RERE: variants seen among roughly 807,000 people sequenced by gnomAD.
RERE encodes arginine-glutamic acid dipeptide repeats protein.
Under a neutral mutation model 146.1 loss-of-function variants are expected in RERE, and 40 were observed. The observed-to-expected ratio is 0.27, with a 90% CI of 0.21 to 0.36. The LOEUF (loss-of-function observed/expected upper bound fraction) is 0.36, where lower values mean the gene tolerates loss of function less well. Ranked by LOEUF, RERE falls within the 10% of genes least tolerant of loss-of-function variation. The pLI is 1.00. For synonymous variants in RERE, 1,003 were observed against 866.0 expected (o/e 1.16, Z -2.78); for missense variants, 1,933 against 2,138.7 (o/e 0.90, Z 1.90).
At chr1:8,621,491 C>G (rs55830087) in intron 3 of RERE, among the ~76,000 whole-genome samples, 1 of 152,054 alleles carries the variant, frequency 6.6e-6, no homozygotes, top group Non-Finnish European at 1.5e-5. Flanking sequence ...TGTATCATAA[C>G]GGGCATTCAC....
At chr1:8,677,355 G>A (rs1009972056) in intron 1 of RERE, among the ~76,000 whole-genome samples, 2 of 149,440 alleles carry the variant, frequency 1.3e-5, no homozygotes, top group Admixed American at 1.4e-4. Context: ...AAACCCGGGA[G>A]GCAGAGGTTG....
In RERE at chr1:8,575,534, A is replaced by AAT. The variant is rs67724601; in HGVS notation, c.523-18013_523-18012dup. ...CTGTGCCACCACACCTGGCTAATTT[A>AAT]ATATATATATATATATATATATATA... On this transcript the variant is annotated intron_variant, in intron 4 of 22. Coordinates refer to ENST00000400908, the MANE Select transcript of RERE (RefSeq NM_001042681.2). Among the ~76,000 whole-genome samples, 703 of 113,990 alleles carry AAT rather than the reference A, an allele frequency of 6.2e-3. 8 individuals are homozygous for AAT. The highest frequency in any genetic ancestry group is 0.024 in the East Asian group (95 of 3,972). The allele number at this position is 113,990 out of a possible 152,430, so 74.8% of individuals were successfully genotyped here.
chr1:8,517,073 C>T (rs751911996), intron 7 of RERE, among the ~76,000 whole-genome samples: 1 of 152,120 alleles, frequency 6.6e-6, no homozygotes, highest in Non-Finnish European at 1.5e-5. Context: ...CAGAACTACA[C>T]GCACACAATC....
intron 1 of RERE, among the ~76,000 whole-genome samples, chr1:8,720,626 G>A (rs549142008): frequency 1.1e-4 from 16 of 152,272 alleles, no homozygotes; most frequent in Non-Finnish European, 1.9e-4. Context: ...GGCAACGGAC[G>A]AGTCGAGTCC....
intron 3 of RERE, among the ~76,000 whole-genome samples, chr1:8,618,813 A>T (rs1247520367): frequency 6.6e-6 from 1 of 152,238 alleles, no homozygotes; most frequent in African/African-American, 2.4e-5. Flanking sequence ...GAGGAGAAAT[A>T]GCTTCTTGTT....
intron 4 of RERE, among the ~76,000 whole-genome samples, chr1:8,574,380 T>C (rs1487013315): frequency 7.3e-6 from 1 of 137,234 alleles, no homozygotes; most frequent in Admixed American, 8.0e-5. Context: ...AGTCTCGCTC[T>C]GTCGCCCAGA....
At chr1:8,587,568 T>C (rs1646441087) in intron 4 of RERE, among the ~76,000 whole-genome samples, 1 of 152,192 alleles carries the variant, frequency 6.6e-6, no homozygotes, top group Non-Finnish European at 1.5e-5. Context: ...ACTGTCTCAG[T>C]AGCTTCCCAA....
intron 1 of RERE, among the ~76,000 whole-genome samples, chr1:8,777,926 A>AGCCC (rs1641099333): frequency 6.6e-6 from 1 of 152,052 alleles, no homozygotes; most frequent in African/African-American, 2.4e-5. Flanking sequence ...CCAGACCTCA[A>AGCCC]TTTGAAGGCC....
intron 10 of RERE, among the ~76,000 whole-genome samples, chr1:8,468,922 A>G (rs1037709592): frequency 1.3e-5 from 2 of 152,172 alleles, no homozygotes; most frequent in African/African-American, 2.4e-5. Flanking sequence ...GAAAGAAAGA[A>G]AAAAAGAAAA....
chr1:8,483,500 T>C (rs2124189298), intron 10 of RERE, among the ~76,000 whole-genome samples: 1 of 152,276 alleles, frequency 6.6e-6, no homozygotes, highest in African/African-American at 2.4e-5. Context: ...AAAAGAGAAA[T>C]GAAAATGATC....
intron 12 of RERE, among the ~76,000 whole-genome samples, chr1:8,394,141 A>C (rs1233309247): frequency 6.6e-6 from 1 of 152,230 alleles, no homozygotes; most frequent in Non-Finnish European, 1.5e-5. Flanking sequence ...ACATTCTATA[A>C]TCCCAACTTT....
At chr1:8,622,507 A>AC (rs1553123236) in intron 3 of RERE, among the ~76,000 whole-genome samples, 6 of 140,056 alleles carry the variant, frequency 4.3e-5, no homozygotes, top group African/African-American at 5.1e-5. Flanking sequence ...AAAAAAAAAA[A>AC]AAAACACACT....
chr1:8,570,285 T>C (rs1326858949), intron 4 of RERE, among the ~76,000 whole-genome samples: 2 of 151,992 alleles, frequency 1.3e-5, no homozygotes, highest in Non-Finnish European at 2.9e-5. Flanking sequence ...GAAAGTGAAA[T>C]TGCGCCACTG....
intron 1 of RERE, among the ~76,000 whole-genome samples, chr1:8,767,331 A>G (rs1434795568): frequency 6.6e-6 from 1 of 152,244 alleles, no homozygotes; most frequent in African/African-American, 2.4e-5. Flanking sequence ...GGCCAGGCAC[A>G]GTGGCTCATG....
intron 1 of RERE, among the ~76,000 whole-genome samples, chr1:8,685,207 T>G (rs1470798117): frequency 6.6e-6 from 1 of 152,184 alleles, no homozygotes; most frequent in Non-Finnish European, 1.5e-5. Context: ...GAGAGGAACT[T>G]TTAAACTACA....
intron 1 of RERE, among the ~76,000 whole-genome samples, chr1:8,729,587 T>G (rs1325330909): frequency 6.6e-6 from 1 of 152,110 alleles, no homozygotes; most frequent in Non-Finnish European, 1.5e-5. Context: ...AGTTCCATAC[T>G]TGAAACAGAG....
At chr1:8,635,742 A>T (rs1174933286) in intron 2 of RERE, among the ~76,000 whole-genome samples, 2 of 152,128 alleles carry the variant, frequency 1.3e-5, no homozygotes, top group African/African-American at 4.8e-5. Context: ...TACATTAAAA[A>T]TAAAGAATAT....
chr1:8,498,877 T>G (rs1645088530), intron 8 of RERE, among the ~76,000 whole-genome samples: 5 of 151,772 alleles, frequency 3.3e-5, no homozygotes, highest in African/African-American at 1.2e-4. Context: ...ATGACAGAAA[T>G]GTTCTGTGCC....
chr1:8,727,491 T>C (rs545197354), intron 1 of RERE, among the ~76,000 whole-genome samples: 35 of 151,946 alleles, frequency 2.3e-4, no homozygotes, highest in Non-Finnish European at 4.4e-4. Flanking sequence ...CTGTTTTTTA[T>C]TTTTTTGTTG....
Sources: allele counts gnomAD v4.1 joint callset (sites outside exome capture counted in the v4.1 genomes callset), GRCh38; gene constraint gnomAD v4.1.1; transcripts MANE v1.5; gene names NCBI Gene and HGNC (gene_info 2026-07-23, HGNC 2026-07-21).